N4BP2: variants seen among roughly 807,000 people sequenced by gnomAD.
The protein encoded by N4BP2 is NEDD4-binding protein 2.
Under a neutral mutation model 152.8 loss-of-function variants are expected in N4BP2, and 91 were observed. The observed-to-expected ratio is 0.60, with a 90% CI of 0.50 to 0.71. The LOEUF is 0.71. Ranked by LOEUF, N4BP2 falls within the 30% of genes least tolerant of loss-of-function variation. The pLI, the probability that N4BP2 is intolerant of heterozygous loss-of-function variation, is 0.00. For missense variants in N4BP2, 1,923 were observed against 2,059.1 expected, an observed-to-expected ratio of 0.93 and a Z score of 1.28; for synonymous variants, 646 against 705.3, an observed-to-expected ratio of 0.92 and a Z score of 1.33.
chr4:40,169,671 CAAAA>C, the N4BP2 span, among the ~76,000 whole-genome samples: 12 of 147,116 alleles, frequency 8.2e-5, no homozygotes, highest in South Asian at 4.3e-4. Context: ...AAAAAAAAAA[CAAAA>C]AAAAGGAAGC....
chr4:40,147,726 C>A (rs1720718065), intron 16 of N4BP2, among the ~76,000 whole-genome samples: 1 of 151,898 alleles, frequency 6.6e-6, no homozygotes, highest in South Asian at 2.1e-4. Flanking sequence ...GCCCTCACTT[C>A]CCAGACGGGG....
At chr4:40,133,591 C>T (rs1001907010) in intron 13 of N4BP2, among the ~76,000 whole-genome samples, 2 of 152,164 alleles carry the variant, frequency 1.3e-5, no homozygotes, top group African/African-American at 4.8e-5. Context: ...CCACCTTGGC[C>T]TCCCAAAGTG....
chr4:40,100,399 T>TAGGG (rs975451689), intron 3 of N4BP2, among the ~76,000 whole-genome samples: 4 of 146,136 alleles, frequency 2.7e-5, no homozygotes, highest in Admixed American at 6.7e-5. Flanking sequence ...TTTTTTGAGA[T>TAGGG]AGGGCCTCAC....
chr4:40,157,492 G>A lies in N4BP2; in HGVS notation c.*3255G>A, dbSNP rs529105105. ...AGTAGACATGTATAATATTGAGATC[G>A]GTTATTTCTGAGCTGGAAATTGGAA... On this transcript the variant is annotated 3_prime_UTR_variant, in exon 18 of 18. Coordinates refer to ENST00000261435, the MANE Select transcript of N4BP2 (RefSeq NM_018177.6). 7.9e-5 allele frequency: 12 copies of A among 151,962 alleles called. No homozygotes were observed. The highest frequency in any genetic ancestry group is 3.9e-4 in the East Asian group (2 of 5,192). The allele number at this position is 151,962 out of a possible 1,614,324, so 9.4% of individuals were successfully genotyped here.
chr4:40,089,201 C>G lies in N4BP2; in HGVS notation c.-114-8026C>G, dbSNP rs376163835. Among the ~76,000 whole-genome samples the G allele has an allele frequency of 8.0e-4, 121 of 151,540 alleles. 2 individuals are homozygous for G. The South Asian group carries it at 0.024, about 30-fold the overall frequency. On this transcript the variant is annotated intron_variant, in intron 2 of 17. Transcript: ENST00000261435. Reference sequence around the variant, plus strand: ...ACTCCTGGGCTTAAGGGATTCCCCCCCTCTTCAGCCCCTGTTGGGCTCCCA... The same window carrying G: ...ACTCCTGGGCTTAAGGGATTCCCCCGCTCTTCAGCCCCTGTTGGGCTCCCA...
At chr4:40,102,051 GTTA>G in intron 3 of N4BP2, 21 bp from the exon 4 acceptor site, 1 of 1,414,786 alleles carries the variant, frequency 7.1e-7, no homozygotes, top group Non-Finnish European at 9.5e-7. Flanking sequence ...TTTTGTTGTT[GTTA>G]TTATTCTTGT....
At chr4:40,182,318 C>T in the N4BP2 span, among the ~76,000 whole-genome samples, 3 of 152,148 alleles carry the variant, frequency 2.0e-5, no homozygotes, top group African/African-American at 4.8e-5. Flanking sequence ...GCAGATGCCA[C>T]GTTAGGAAAG....
At chr4:40,175,164 G>T in the N4BP2 span, among the ~76,000 whole-genome samples, 5 of 151,656 alleles carry the variant, frequency 3.3e-5, no homozygotes, top group African/African-American at 1.2e-4. Flanking sequence ...GGGACTATAG[G>T]TGCATGCCAC....
At chr4:40,146,451 G>C (rs2110040768) in intron 16 of N4BP2, among the ~76,000 whole-genome samples, 1 of 152,178 alleles carries the variant, frequency 6.6e-6, no homozygotes, top group South Asian at 2.1e-4. Context: ...GCCAAGAATT[G>C]AGCCAGTGAT....
chr4:40,117,953 G>A lies in N4BP2; in HGVS notation c.1749G>A (p.Met583Ile). 1 of 1,612,846 alleles carries A rather than the reference G, an allele frequency of 6.2e-7. No homozygotes were observed. The highest frequency in any genetic ancestry group is 8.5e-7 in the Non-Finnish European group (1 of 1,179,380). Residue 583 changes from methionine to isoleucine, a missense_variant, in exon 8 of 18, where the codon ATG becomes ATA. By Grantham distance (10) the Met-to-Ile change is conservative (BLOSUM62 1). Coordinates refer to ENST00000261435, the MANE Select transcript of N4BP2 (RefSeq NM_018177.6). The part of the protein sequence containing the change: ...YQRFVSVPII[M>I]SSSVPEKIER... ...GTTTTGTTTCAGTGCCAATAATTAT[G>A]AGTTCTTCGGTTCCAGAGAAAATTG...
chr4:40,102,120 C>A lies in N4BP2; in HGVS notation c.275C>A (p.Thr92Asn), dbSNP rs1215262395. The change falls in exon 4 of 18, where the codon ACC (threonine) becomes AAC (asparagine). Residue 92 changes from threonine (T) to asparagine (N), a missense_variant. Physicochemically the swap from Thr to Asn is moderately conservative, Grantham distance 65. Transcript: ENST00000261435. ...CTATTAGAATTATCTGCCACTGATA[C>A]CAAGATAGAAGAATCATCTTCACAA... Reference protein sequence around the residue: ...DCLLELSATDTKIEESSSQSF... With the variant: ...DCLLELSATDNKIEESSSQSF... 6.2e-7 allele frequency: 1 copy of A among 1,611,360 alleles called. No homozygotes were observed. The highest frequency in any genetic ancestry group is 1.7e-5 in the Admixed American group (1 of 59,442).
the N4BP2 span, among the ~76,000 whole-genome samples, chr4:40,176,393 A>G: frequency 1.3e-5 from 2 of 152,172 alleles, no homozygotes; most frequent in Non-Finnish European, 2.9e-5. Flanking sequence ...ATCTATCCTT[A>G]TTTTTGTTTC....
chr4:40,066,999 C>T (rs1189269738), intron 1 of N4BP2, among the ~76,000 whole-genome samples: 2 of 150,658 alleles, frequency 1.3e-5, no homozygotes, highest in East Asian at 3.9e-4. Context: ...TGGCTTATTT[C>T]ACTTAGCATA....
intron 2 of N4BP2, among the ~76,000 whole-genome samples, chr4:40,094,843 C>T (rs568907955): frequency 1.1e-4 from 16 of 152,020 alleles, no homozygotes; most frequent in East Asian, 7.7e-4. Context: ...TGAGCCACCG[C>T]GAGTGCAGTG....
intron 5 of N4BP2, among the ~76,000 whole-genome samples, chr4:40,107,941 T>G (rs961530225): frequency 3.6e-5 from 5 of 137,064 alleles, no homozygotes; most frequent in African/African-American, 5.4e-5. Context: ...TTTTTTTTTT[T>G]GACACAGTAT....
At chr4:40,074,531 C>T (rs1712535264) in intron 2 of N4BP2, among the ~76,000 whole-genome samples, 1 of 151,966 alleles carries the variant, frequency 6.6e-6, no homozygotes, top group South Asian at 2.1e-4. Context: ...TAAGCTTTTA[C>T]TTATATATTT....
chr4:40,059,583 C>G (rs1733492555), intron 1 of N4BP2, among the ~76,000 whole-genome samples: 1 of 152,004 alleles, frequency 6.6e-6, no homozygotes, highest in Non-Finnish European at 1.5e-5. Flanking sequence ...CTCCTGGCCT[C>G]AAGTGATCCG....
chr4:40,183,143 T>C, the N4BP2 span, among the ~76,000 whole-genome samples: 1 of 152,252 alleles, frequency 6.6e-6, no homozygotes, highest in East Asian at 1.9e-4. Flanking sequence ...ACAGATACAA[T>C]CCCAAGTCCT....
intron 5 of N4BP2, among the ~76,000 whole-genome samples, chr4:40,110,699 G>A (rs563450195): frequency 1.7e-4 from 26 of 152,170 alleles, no homozygotes; most frequent in Admixed American, 8.5e-4. Flanking sequence ...CACTACGCCC[G>A]GCTAATTTTT....
Sources: allele counts gnomAD v4.1 joint callset (sites outside exome capture counted in the v4.1 genomes callset), GRCh38; gene constraint gnomAD v4.1.1; transcripts MANE v1.5; gene names NCBI Gene and HGNC (gene_info 2026-07-23, HGNC 2026-07-21).